The following FHL3 variants were observed in gnomAD, a reference collection of about 807,000 sequenced individuals.
FHL3 encodes four and a half LIM domains 3.
Under a neutral mutation model 34.3 loss-of-function variants are expected in FHL3, and 21 were observed. That is an observed-to-expected ratio of 0.61 (90% confidence interval 0.43 to 0.88). The LOEUF (loss-of-function observed/expected upper bound fraction) is 0.88. Ranked by LOEUF, FHL3 falls within the 40% of genes least tolerant of loss-of-function variation. The pLI, the probability that FHL3 is intolerant of heterozygous loss-of-function variation, is 0.00. For missense variants in FHL3, 333 were observed against 373.7 expected, an observed-to-expected ratio of 0.89 and a Z score of 0.90; for synonymous variants, 137 against 144.6, an observed-to-expected ratio of 0.95 and a Z score of 0.38.
At chr1:37,999,206 C>G (rs1201145227) in intron 2 of FHL3, 51 bp downstream of exon 2, 1 of 1,613,740 alleles carries the variant, frequency 6.2e-7, no homozygotes. Context: ...ATCCTTTGCC[C>G]CCTTCCACTG....
chr1:38,005,426 C>G lies in FHL3; in HGVS notation c.-90G>C, dbSNP rs996021587. ...GCCGGGAACCGGGCGCCGCGTCCCT[C>G]GGCGGCTCCTACCTGCGGGCCGGGC... On this transcript the variant is annotated 5_prime_UTR_variant, in exon 1 of 6. Coordinates refer to ENST00000373016, the MANE Select transcript of FHL3 (RefSeq NM_004468.5). 6.7e-6 allele frequency: 1 copy of G among 149,626 alleles called. No homozygotes were observed. The highest frequency in any genetic ancestry group is 2.4e-5 in the African/African-American group (1 of 41,188). 9.3% of individuals were successfully genotyped at this position (149,626 alleles called of 1,614,324 possible).
At chr1:38,002,185 A>C (rs1322541770) in intron 1 of FHL3, among the ~76,000 whole-genome samples, 1 of 147,160 alleles carries the variant, frequency 6.8e-6, no homozygotes, top group Non-Finnish European at 1.5e-5. Context: ...TGCAACCTCC[A>C]CCTCCCGGGT....
rs1357315752 is a variant in FHL3 at position 37,997,265 on chromosome 1, T to C, written c.*140A>G. On this transcript the variant is annotated 3_prime_UTR_variant, in exon 6 of 6. Transcript: ENST00000373016. The surrounding 1 kb of genome is among the most constrained non-coding windows in gnomAD (Gnocchi z 4.3). ...TCAGGGAGTACCAGTTTGGGGATGC[T>C]GGAGTGGGGAGACAATCCTGGAGCC... The C allele has an allele frequency of 3.4e-6, 3 of 882,492 alleles. No homozygotes were observed. Among genetic ancestry groups the C allele is most frequent in the Non-Finnish European group, 5.3e-6 (3 of 569,964 alleles). 54.7% of individuals were successfully genotyped at this position (882,492 alleles called of 1,614,324 possible).
At chr1:37,998,628 A>G in intron 3 of FHL3, 1 of 301,374 alleles carries the variant, frequency 3.3e-6, no homozygotes, top group Non-Finnish European at 6.4e-6. Context: ...TTAGGCATGC[A>G]GGTCCCCACA....
Position 37,999,329 on chromosome 1 carries a change from A to T in FHL3, c.84T>A (p.Cys28Ter). The T allele has an allele frequency of 6.2e-7, 1 of 1,614,228 alleles. No individual in the cohort carries two copies. The highest frequency in any genetic ancestry group is 1.1e-5 in the South Asian group (1 of 91,088). The change falls in exon 2 of 6, where the codon TGT becomes TGA. Residue 28 changes from cysteine (C) to a stop codon, truncating the protein, a stop_gained. Transcript: ENST00000373016. LOFTEE classifies it high-confidence loss of function. Reference sequence around the variant, plus strand: ...CAAAGGTATTGTCATAGCAGGGCACACAGTAGGGGCCGCTGTCTGTCTGGA... The same window carrying T: ...CAAAGGTATTGTCATAGCAGGGCACTCAGTAGGGGCCGCTGTCTGTCTGGA... Reference protein sequence around the residue: ...KYIQTDSGPYCVPCYDNTFAN... With the variant: ...KYIQTDSGPY
rs761995906 is a variant in FHL3 at position 37,998,048 on chromosome 1, C to T, written c.416G>A (p.Arg139His). ...CSGCEQPLGSRSFVPDKGAHY... is the reference protein window; with the variant it reads ...CSGCEQPLGSHSFVPDKGAHY... The stretch of plus-strand genomic sequence containing the variant: ...AGCACCCTTGTCGGGCACAAAAGAA[C>T]GGGAGCCCAGTGGCTGTTCACAGCC... Residue 139 changes from arginine (R) to histidine (H), a missense_variant, in exon 4 of 6, where the codon CGT (arginine) becomes CAT (histidine). Transcript: ENST00000373016. The T allele has an allele frequency of 1.2e-5, 19 of 1,613,966 alleles. No homozygotes were observed. In the East Asian group the frequency reaches 1.3e-4, roughly 11 times the overall value.
Position 37,997,490 on chromosome 1 carries a change from C to G in FHL3, c.758G>C (p.Arg253Pro). 6.2e-7 allele frequency: 1 copy of G among 1,614,018 alleles called. No homozygotes were observed. Residue 253 changes from arginine to proline, a missense_variant, in exon 6 of 6, where the codon CGC becomes CCC. By Grantham distance (103) the Arg-to-Pro change is moderately radical. Coordinates refer to ENST00000373016, the MANE Select transcript of FHL3 (RefSeq NM_004468.5). This position sits in a 1 kb window ranked among gnomAD's most constrained non-coding sequence, Gnocchi z 4.3. ...CTGGCCCACCAGGGAGGTAGAGCAGCGGGCGCAGGAGAAGCAGTTGTGGTG... is the reference window on the plus strand; with the variant it reads ...CTGGCCCACCAGGGAGGTAGAGCAGGGGGCGCAGGAGAAGCAGTTGTGGTG... ...HWHHNCFSCARCSTSLVGQGF... is the reference protein window; with the variant it reads ...HWHHNCFSCAPCSTSLVGQGF...
intron 1 of FHL3, among the ~76,000 whole-genome samples, chr1:38,003,150 C>T (rs1646612404): frequency 6.6e-6 from 1 of 151,952 alleles, no homozygotes; most frequent in Non-Finnish European, 1.5e-5. Context: ...AACAGCAAAA[C>T]TCTGTCTCAA....
At position 37,998,956 on chromosome 1, in the gene FHL3, G is replaced by A. The variant is rs1337400134; in HGVS notation, c.331+18C>T. ...GCAGATGCCAGTTCTCACACAAGAT[G>A]AGCCCCTGAACACATACCAGGCATG... On this transcript the variant is annotated intron_variant, in intron 3 of 5. Transcript: ENST00000373016. 5 of 1,609,276 alleles carry A rather than the reference G, an allele frequency of 3.1e-6. No homozygotes were observed. The African/African-American group carries it at 4.0e-5, about 13-fold the overall frequency.
In FHL3 at chr1:37,997,173, A is replaced by G. The variant is rs1333459115; in HGVS notation, c.*232T>C. 2.1e-5 allele frequency: 11 copies of G among 517,510 alleles called. No individual in the cohort carries two copies. The highest frequency in any genetic ancestry group is 3.8e-5 in the Non-Finnish European group (11 of 289,752). The allele number at this position is 517,510 out of a possible 1,614,324, so 32.1% of individuals were successfully genotyped here. ...CTGCAGGGGAGAGGGTGAATTCTGG[A>G]GTCCAGGTGTGGGGAGGGGGCTTGA... is the stretch of plus-strand genomic sequence containing the variant. On this transcript the variant is annotated 3_prime_UTR_variant, in exon 6 of 6. Transcript: ENST00000373016. The surrounding 1 kb of genome is among the most constrained non-coding windows in gnomAD (Gnocchi z 4.3).
At chr1:38,003,031 G>A (rs546563038) in intron 1 of FHL3, among the ~76,000 whole-genome samples, 3 of 152,016 alleles carry the variant, frequency 2.0e-5, no homozygotes, top group Non-Finnish European at 4.4e-5. Flanking sequence ...GGTGGCGGGC[G>A]CCTGTAAGCC....
intron 1 of FHL3, among the ~76,000 whole-genome samples, chr1:38,004,758 C>T (rs1646627129): frequency 1.3e-5 from 2 of 152,230 alleles, no homozygotes; most frequent in Non-Finnish European, 2.9e-5. Context: ...CTCTGAGCGT[C>T]TCTGCAGGCC....
At chr1:38,003,284 G>A (rs1016734449) in intron 1 of FHL3, among the ~76,000 whole-genome samples, 1 of 152,172 alleles carries the variant, frequency 6.6e-6, no homozygotes, top group African/African-American at 2.4e-5. Flanking sequence ...TCTATTTTTT[G>A]TAGAGATGGG....
chr1:38,003,862 G>A (rs36104950), intron 1 of FHL3, among the ~76,000 whole-genome samples: 189 of 152,274 alleles, frequency 1.2e-3, no homozygotes, highest in Non-Finnish European at 2.1e-3. Flanking sequence ...ATGCACCAGA[G>A]CCTGGCTCTT....
intron 1 of FHL3, among the ~76,000 whole-genome samples, chr1:38,002,398 T>C (rs889157597): frequency 1.3e-5 from 2 of 150,888 alleles, no homozygotes; most frequent in Non-Finnish European, 3.0e-5. Context: ...ACACCCTGCC[T>C]GGACTAGAAT....
intron 1 of FHL3, among the ~76,000 whole-genome samples, chr1:38,000,837 T>A (rs559215823): frequency 6.6e-6 from 1 of 151,940 alleles, no homozygotes; most frequent in South Asian, 2.1e-4. Flanking sequence ...CCAGGACCCA[T>A]AGGAAGGAGA....
chr1:37,998,766 C>T (rs1646562133), intron 3 of FHL3: 1 of 586,926 alleles, frequency 1.7e-6, no homozygotes, highest in Non-Finnish European at 3.0e-6. Context: ...GCTAAGCCCC[C>T]AAGTATGTAT....
Position 37,997,188 on chromosome 1 carries a change from A to C in FHL3, c.*217T>G. On this transcript the variant is annotated 3_prime_UTR_variant, in exon 6 of 6. Coordinates refer to ENST00000373016, the MANE Select transcript of FHL3 (RefSeq NM_004468.5). The surrounding 1 kb of genome is among the most constrained non-coding windows in gnomAD (Gnocchi z 4.3). The stretch of plus-strand genomic sequence containing the variant: ...TGAATTCTGGAGTCCAGGTGTGGGG[A>C]GGGGGCTTGACTCATGGAGGCTCTG... The C allele has an allele frequency of 1.8e-6, 1 of 544,318 alleles. No homozygotes were observed. The allele number at this position is 544,318 out of a possible 1,614,324, so 33.7% of individuals were successfully genotyped here.
At position 37,997,230 on chromosome 1, in the gene FHL3, G is replaced by A; in HGVS notation, c.*175C>T. 1 of 666,148 alleles carries A rather than the reference G, an allele frequency of 1.5e-6. No homozygotes were observed. Among genetic ancestry groups the A allele is most frequent in the Non-Finnish European group, 2.6e-6 (1 of 387,912 alleles). The allele number at this position is 666,148 out of a possible 1,614,324, so 41.3% of individuals were successfully genotyped here. On this transcript the variant is annotated 3_prime_UTR_variant, in exon 6 of 6. Coordinates refer to ENST00000373016, the MANE Select transcript of FHL3 (RefSeq NM_004468.5). This position sits in a 1 kb window ranked among gnomAD's most constrained non-coding sequence, Gnocchi z 4.3. ...GAGGCTCTGTAAGAGCCCAGGTTTG[G>A]GGCCCTGGGTCAGGGAGTACCAGTT...
Sources: gnomAD v4.1 joint callset for allele counts (sites outside exome capture counted in the v4.1 genomes callset) on GRCh38, gnomAD v4.1.1 for gene constraint, Gnocchi (gnomAD v3.1) non-coding constraint, MANE v1.5 for transcripts, NCBI Gene and HGNC (gene_info 2026-07-23, HGNC 2026-07-21) for gene names.